Variants in BRINP3 observed in about 807,000 individuals in gnomAD.
BRINP3 encodes the protein BMP/retinoic acid inducible neural specific 3.
A neutral mutation model predicts 71.0 loss-of-function variants in BRINP3; 19 were observed. That is an observed-to-expected ratio of 0.27 (90% CI 0.19 to 0.39). The LOEUF is 0.39. Ranked by LOEUF, BRINP3 falls within the 10% of genes least tolerant of loss-of-function variation. The pLI is 1.00. For synonymous variants in BRINP3, 380 were observed against 337.7 expected (o/e 1.13, Z -1.37); for missense variants, 959 against 940.8 (o/e 1.02, Z -0.25).
chr1:190,241,930 T>G (rs2102772474), intron 4 of BRINP3, among the ~76,000 whole-genome samples: 1 of 151,758 alleles, frequency 6.6e-6, no homozygotes, highest in Non-Finnish European at 1.5e-5. Flanking sequence ...TATAATATTT[T>G]TTCAAATGTT....
At chr1:190,316,780 T>G (rs1665910077) in intron 2 of BRINP3, among the ~76,000 whole-genome samples, 1 of 152,124 alleles carries the variant, frequency 6.6e-6, no homozygotes, top group Non-Finnish European at 1.5e-5. Context: ...TTAAACTAGT[T>G]TTGAATTCAC....
intron 3 of BRINP3, among the ~76,000 whole-genome samples, chr1:190,275,491 C>T (rs961097421): frequency 2.6e-5 from 4 of 151,500 alleles, no homozygotes; most frequent in South Asian, 2.1e-4. Flanking sequence ...TGATGCTTTT[C>T]GTTCATGGAC....
At chr1:190,206,747 T>C (rs900813526) in intron 6 of BRINP3, among the ~76,000 whole-genome samples, 2 of 151,958 alleles carry the variant, frequency 1.3e-5, no homozygotes, top group Non-Finnish European at 2.9e-5. Context: ...AGATGAAAAA[T>C]GGTTAAGGGT....
At chr1:190,160,446 G>GA (rs572301313) in intron 7 of BRINP3, among the ~76,000 whole-genome samples, 2 of 151,706 alleles carry the variant, frequency 1.3e-5, no homozygotes, top group African/African-American at 4.8e-5. Flanking sequence ...GATAAGAAAA[G>GA]AAAAAAAGAA....
Position 190,245,787 on chromosome 1 carries a change from G to A in BRINP3, c.619-11310C>T, listed in dbSNP as rs565653035. Among the ~76,000 whole-genome samples, 3 of 125,212 alleles carry A rather than the reference G, an allele frequency of 2.4e-5. No individual in the cohort carries two copies. The East Asian group carries it at 7.0e-4, about 29-fold the overall frequency. 82.1% of individuals were successfully genotyped at this position (125,212 alleles called of 152,430 possible). On this transcript the variant is annotated intron_variant, in intron 4 of 7. Coordinates refer to ENST00000367462, the MANE Select transcript of BRINP3 (RefSeq NM_199051.3). ...CCCACAACAGGCCCCAGTGTGTGAT[G>A]TTCCCCTTCCTGTGTCCATGTGTTC...
intron 2 of BRINP3, among the ~76,000 whole-genome samples, chr1:190,322,018 A>ATT (rs1165178074): frequency 1.3e-5 from 2 of 151,982 alleles, no homozygotes; most frequent in Non-Finnish European, 2.9e-5. Context: ...TCATAAATCT[A>ATT]TTTTTATATA....
chr1:190,168,381 C>G (rs1055742785), intron 6 of BRINP3, among the ~76,000 whole-genome samples: 9 of 152,030 alleles, frequency 5.9e-5, no homozygotes, highest in African/African-American at 2.2e-4. Context: ...AAATATTCAA[C>G]TCGAATGGTG....
intron 6 of BRINP3, among the ~76,000 whole-genome samples, chr1:190,182,471 A>C (rs1653112307): frequency 6.6e-6 from 1 of 151,918 alleles, no homozygotes. Context: ...TCTTCTGTTG[A>C]GCTTATCCTT....
intron 2 of BRINP3, among the ~76,000 whole-genome samples, chr1:190,338,829 C>A (rs1167399258): frequency 6.6e-6 from 1 of 151,598 alleles, no homozygotes; most frequent in Non-Finnish European, 1.5e-5. Context: ...TTAAGAAAAA[C>A]TATCATATAG....
chr1:190,111,007 C>T (rs996026269), intron 7 of BRINP3, among the ~76,000 whole-genome samples: 2 of 151,610 alleles, frequency 1.3e-5, no homozygotes, highest in Non-Finnish European at 1.5e-5. Context: ...AACCCCGTCT[C>T]TACTAAAAAT....
chr1:190,364,363 A>C (rs964411317), intron 2 of BRINP3, among the ~76,000 whole-genome samples: 3 of 152,060 alleles, frequency 2.0e-5, no homozygotes, highest in Non-Finnish European at 2.9e-5. Context: ...AATGTTCTGA[A>C]AATTTTACTT....
At chr1:190,325,514 T>C (rs888896083) in intron 2 of BRINP3, among the ~76,000 whole-genome samples, 2 of 152,016 alleles carry the variant, frequency 1.3e-5, no homozygotes, top group Non-Finnish European at 2.9e-5. Context: ...TGAAATTACA[T>C]ACTGAAGAGT....
intron 6 of BRINP3, among the ~76,000 whole-genome samples, chr1:190,210,823 A>G (rs990415795): frequency 1.3e-5 from 2 of 152,182 alleles, no homozygotes; most frequent in African/African-American, 2.4e-5. Context: ...CCCACCCTCA[A>G]TCTGGGTGGG....
At chr1:190,326,842 A>G (rs1666607503) in intron 2 of BRINP3, among the ~76,000 whole-genome samples, 1 of 152,070 alleles carries the variant, frequency 6.6e-6, no homozygotes, top group African/African-American at 2.4e-5. Flanking sequence ...CCACTACTGC[A>G]AAAACACGCT....
At chr1:190,174,861 CTT>C (rs1652362400) in intron 6 of BRINP3, among the ~76,000 whole-genome samples, 1 of 152,038 alleles carries the variant, frequency 6.6e-6, no homozygotes, top group Non-Finnish European at 1.5e-5. Flanking sequence ...AGAAACAAAA[CTT>C]TGACAGTTAT....
chr1:190,352,944 T>C (rs1233531652), intron 2 of BRINP3, among the ~76,000 whole-genome samples: 2 of 151,802 alleles, frequency 1.3e-5, no homozygotes, highest in Non-Finnish European at 2.9e-5. Flanking sequence ...GTCTGTATAC[T>C]ATTTTCTGTA....
chr1:190,458,988 C>A (rs1676196792), intron 1 of BRINP3, among the ~76,000 whole-genome samples: 1 of 151,202 alleles, frequency 6.6e-6, no homozygotes, highest in South Asian at 2.1e-4. Flanking sequence ...AAAAACAATA[C>A]AAAATTAAAA....
intron 5 of BRINP3, among the ~76,000 whole-genome samples, chr1:190,233,105 TTTTAA>T (rs1160438434): frequency 2.6e-5 from 4 of 152,136 alleles, no homozygotes; most frequent in African/African-American, 9.7e-5. Context: ...TACATTTTTC[TTTTAA>T]TTAATTAATT....
intron 6 of BRINP3, among the ~76,000 whole-genome samples, chr1:190,197,417 T>G (rs538437265): frequency 2.0e-5 from 3 of 152,122 alleles, no homozygotes; most frequent in Non-Finnish European, 2.9e-5. Context: ...TAGTCCAAAG[T>G]CTCACCTGAA....
Sources: gnomAD v4.1 joint callset for allele counts (sites outside exome capture counted in the v4.1 genomes callset) on GRCh38, gnomAD v4.1.1 for gene constraint, MANE v1.5 for transcripts, NCBI Gene and HGNC (gene_info 2026-07-23, HGNC 2026-07-21) for gene names.